The following SLC18A2 variants were observed in gnomAD, a reference collection of about 807,000 sequenced individuals.
SLC18A2 encodes solute carrier family 18 member A2, also known as synaptic vesicular amine transporter.
In SLC18A2, 33 loss-of-function variants were observed where a neutral mutation model predicts 59.2. The ratio of observed to expected loss-of-function variants is 0.56; its 90% confidence interval spans 0.42 to 0.75. The LOEUF is 0.75. Among genes scored for constraint, SLC18A2 ranks in the 30% least tolerant of loss-of-function variants. The probability of loss-of-function intolerance (pLI) is 0.00; values close to 1 mark genes in which losing one functional copy is unlikely to be tolerated. For synonymous variants in SLC18A2, 228 were observed against 253.5 expected, an observed-to-expected ratio of 0.90 and a Z score of 0.95; for missense variants, 569 against 668.6, an observed-to-expected ratio of 0.85 and a Z score of 1.64.
chr10:117,269,041 CACAT>C lies in SLC18A2; in HGVS notation c.1187-1026_1187-1023del, dbSNP rs755495777. 1.0e-3 allele frequency among the ~76,000 whole-genome samples: 149 copies of C among 147,694 alleles called. 1 individual carries two copies. In the Middle Eastern group the frequency reaches 0.014, roughly 14 times the overall value. On this transcript the variant is annotated intron_variant, in intron 13 of 15. Coordinates refer to ENST00000644641, the MANE Select transcript of SLC18A2 (RefSeq NM_003054.6). This position sits in a 1 kb window ranked among gnomAD's most constrained non-coding sequence, Gnocchi z 5.1. ...ACACACGCATACACACACACATACACACATACACCCCCCACATAAACACATACAC... is the reference window on the plus strand; with the variant it reads ...ACACACGCATACACACACACATACACACACCCCCCACATAAACACATACAC...
intron 13 of SLC18A2, 156 bp downstream of exon 13, chr10:117,267,892 C>T (rs889952026): frequency 1.7e-5 from 9 of 521,370 alleles, no homozygotes; most frequent in African/African-American, 7.5e-5. Context: ...GTCGATTCTC[C>T]GTGTAAAGAC....
chr10:117,271,247 A>G (rs1844422317), intron 15 of SLC18A2, among the ~76,000 whole-genome samples: 1 of 152,214 alleles, frequency 6.6e-6, no homozygotes, highest in Admixed American at 6.5e-5. Flanking sequence ...TGGATTAAGG[A>G]TGAATGAGGT....
rs754948354 is a variant in SLC18A2, at chr10:117,270,362, A to G, written c.1339A>G (p.Ile447Val). ...PSAGGAIAKA[I>V]GFPWLMTIIG... Reference sequence around the variant, plus strand: ...TGCTGGTGGTGCTATTGCAAAGGCAATTGGATTTCCATGGCTCATGACAAT... The same window carrying G: ...TGCTGGTGGTGCTATTGCAAAGGCAGTTGGATTTCCATGGCTCATGACAAT... The change falls in exon 15 of 16, where the codon ATT (isoleucine) becomes GTT (valine). Residue 447 changes from isoleucine (I) to valine (V), a missense_variant. Ile to Val is a conservative substitution (Grantham distance 29, BLOSUM62 3). Coordinates refer to ENST00000644641, the MANE Select transcript of SLC18A2 (RefSeq NM_003054.6). 3.7e-6 allele frequency: 6 copies of G among 1,614,196 alleles called. No individual in the cohort carries two copies. Among genetic ancestry groups the G allele is most frequent in the Admixed American group, 1.7e-5 (1 of 60,026 alleles).
chr10:117,258,305 T>C (rs1844253003), intron 10 of SLC18A2, among the ~76,000 whole-genome samples: 1 of 152,244 alleles, frequency 6.6e-6, no homozygotes, highest in South Asian at 2.1e-4. Flanking sequence ...AGTGTGCTGA[T>C]TGAGGACGTA....
chr10:117,276,626 A>G (rs111836706), intron 15 of SLC18A2, among the ~76,000 whole-genome samples: 4 of 36,322 alleles, frequency 1.1e-4, no homozygotes, highest in African/African-American at 1.5e-4. Flanking sequence ...AAAAAAAAAA[A>G]AAAAAAAGAA....
chr10:117,276,695 G>A (rs914185822), intron 15 of SLC18A2, among the ~76,000 whole-genome samples: 2 of 149,346 alleles, frequency 1.3e-5, no homozygotes, highest in Non-Finnish European at 3.0e-5. Flanking sequence ...CAATGGAAAC[G>A]GGTTGTAGTC....
At chr10:117,274,396 C>A (rs1844461441) in intron 15 of SLC18A2, among the ~76,000 whole-genome samples, 1 of 152,178 alleles carries the variant, frequency 6.6e-6, no homozygotes, top group Non-Finnish European at 1.5e-5. Flanking sequence ...GCGTTCCTAT[C>A]ATGTGCCCAG....
In SLC18A2 at chr10:117,269,941, G is replaced by T; in HGVS notation, c.1187-130G>T. On this transcript the variant is annotated intron_variant, in intron 13 of 15. Coordinates refer to ENST00000644641, the MANE Select transcript of SLC18A2 (RefSeq NM_003054.6). This position sits in a 1 kb window ranked among gnomAD's most constrained non-coding sequence, Gnocchi z 5.1. Reference sequence around the variant, plus strand: ...TACTCAAAGATTAGTATCACCCCAAGACTTGCAGGTGGTGATGACAGAAGG... The same window carrying T: ...TACTCAAAGATTAGTATCACCCCAATACTTGCAGGTGGTGATGACAGAAGG... 1.8e-6 allele frequency: 2 copies of T among 1,095,634 alleles called. No homozygotes were observed. Among genetic ancestry groups the T allele is most frequent in the East Asian group, 2.5e-5 (1 of 40,266 alleles). 67.9% of individuals were successfully genotyped at this position (1,095,634 alleles called of 1,614,324 possible). A position where few individuals can be genotyped will look rare whatever the true frequency, so the allele number is the denominator to read the frequency against.
chr10:117,270,652 A>G (rs558310176), intron 15 of SLC18A2, among the ~76,000 whole-genome samples, 189 bp downstream of exon 15: 1 of 152,308 alleles, frequency 6.6e-6, no homozygotes, highest in African/African-American at 2.4e-5. Context: ...TTTCAAGCTT[A>G]TGTTTATAAA....
At chr10:117,242,739 G>A (rs774572134) in intron 2 of SLC18A2, among the ~76,000 whole-genome samples, 5 of 152,096 alleles carry the variant, frequency 3.3e-5, no homozygotes, top group Non-Finnish European at 5.9e-5. Context: ...TTTGGTTTTT[G>A]TTTGTTTTTT....
At chr10:117,252,731 C>G (rs363409) in intron 3 of SLC18A2, among the ~76,000 whole-genome samples, 1 of 152,058 alleles carries the variant, frequency 6.6e-6, no homozygotes, top group South Asian at 2.1e-4. Context: ...GTGGTCTCTC[C>G]GAGGGACTGA....
intron 3 of SLC18A2, among the ~76,000 whole-genome samples, chr10:117,252,715 T>G (rs1017690627): frequency 1.3e-5 from 2 of 152,182 alleles, no homozygotes; most frequent in African/African-American, 4.8e-5. Context: ...TCCTGGGAGG[T>G]GGGCGGTGGT....
At position 117,270,159 on chromosome 10, in the gene SLC18A2, G is replaced by A. The variant is rs372879277; in HGVS notation, c.1275G>A (p.Ala425=). The change falls in exon 14 of 16, where the codon GCG becomes GCA. Residue 425 remains alanine (A), a synonymous_variant. Transcript: ENST00000644641. The part of the protein sequence containing the change: ...VSVYGSVYAI[A]DVAFCMGYAI... Reference sequence around the variant, plus strand: ...TCTATGGGAGTGTGTACGCCATTGCGGATGTGGCATTTTGTATGGGGTATG... The same window carrying A: ...TCTATGGGAGTGTGTACGCCATTGCAGATGTGGCATTTTGTATGGGGTATG... 3.7e-5 allele frequency: 59 copies of A among 1,614,108 alleles called. No homozygotes were observed. Among genetic ancestry groups the A allele is most frequent in the East Asian group, 1.8e-4 (8 of 44,900 alleles).
At chr10:117,255,202 A>G in intron 6 of SLC18A2, 75 bp from the exon 7 acceptor site, 1 of 1,335,048 alleles carries the variant, frequency 7.5e-7, no homozygotes, top group Non-Finnish European at 1.1e-6. Context: ...GAAACACAAG[A>G]GTCAAATAGA....
At position 117,253,431 on chromosome 10, in the gene SLC18A2, T is replaced by C. The variant is rs1305910812; in HGVS notation, c.497T>C (p.Phe166Ser). The change falls in exon 4 of 16, where the codon TTC (phenylalanine) becomes TCC (serine). Residue 166 changes from phenylalanine (F) to serine (S), a missense_variant. Phe to Ser is a radical substitution (Grantham distance 155). Transcript: ENST00000644641. ...IGYPIPIFAG[F>S]CIMFVSTIMF... ...TATCCAATTCCCATATTTGCGGGAT[T>C]CTGCATCATGTTTGTCTCAACAATT... 6.2e-7 allele frequency: 1 copy of C among 1,613,952 alleles called. No individual in the cohort carries two copies. The highest frequency in any genetic ancestry group is 8.5e-7 in the Non-Finnish European group (1 of 1,179,816).
chr10:117,266,448 T>C (rs1302158883), intron 10 of SLC18A2, among the ~76,000 whole-genome samples: 1 of 152,236 alleles, frequency 6.6e-6, no homozygotes, highest in African/African-American at 2.4e-5. Flanking sequence ...GCTGTTTGTA[T>C]TGGCCCACGT....
intron 2 of SLC18A2, 27 bp downstream of exon 2, chr10:117,241,841 C>A (rs777200374): frequency 2.1e-5 from 33 of 1,591,072 alleles, no homozygotes; most frequent in African/African-American, 2.7e-5. Flanking sequence ...CACCCCTGCC[C>A]CGGCACCCCA....
intron 15 of SLC18A2, 47 bp downstream of exon 15, chr10:117,270,510 A>G (rs370328782): frequency 1.6e-4 from 252 of 1,603,100 alleles, no homozygotes; most frequent in Non-Finnish European, 2.1e-4. Context: ...TAATTTTAGC[A>G]TGGCCTTCCT....
At chr10:117,268,079 G>A in intron 13 of SLC18A2, 1 of 229,882 alleles carries the variant, frequency 4.4e-6, no homozygotes, top group Non-Finnish European at 8.7e-6. Flanking sequence ...GAGGCTGGGG[G>A]CAAAGGCTTC....
Sources: gnomAD v4.1 joint callset for allele counts (sites outside exome capture counted in the v4.1 genomes callset) on GRCh38, gnomAD v4.1.1 for gene constraint, Gnocchi (gnomAD v3.1) non-coding constraint, MANE v1.5 for transcripts, NCBI Gene and HGNC (gene_info 2026-07-23, HGNC 2026-07-21) for gene names.